Variants in ADGB observed in about 807,000 individuals in gnomAD.
ADGB encodes the protein calpain-7-like protein.
In ADGB, 172 loss-of-function variants were observed where a neutral mutation model predicts 210.5. That is an observed-to-expected ratio of 0.82 (90% CI 0.72 to 0.93). The LOEUF (loss-of-function observed/expected upper bound fraction) is 0.93. Among genes scored for constraint, ADGB ranks in the 40% least tolerant of loss-of-function variants. The pLI, the probability that ADGB is intolerant of heterozygous loss-of-function variation, is 0.00. For synonymous variants in ADGB, 658 were observed against 662.7 expected (o/e 0.99, Z 0.11); for missense variants, 2,025 against 1,964.8 (o/e 1.03, Z -0.58).
chr6:146,682,769 A>G (rs1174570771), intron 9 of ADGB, among the ~76,000 whole-genome samples: 4 of 152,194 alleles, frequency 2.6e-5, no homozygotes, highest in African/African-American at 9.6e-5. Flanking sequence ...AGATAATAGA[A>G]CAAATAGGAA....
intron 13 of ADGB, 140 bp downstream of exon 13, chr6:146,701,210 C>G (rs1583596467): frequency 2.1e-6 from 2 of 962,968 alleles, no homozygotes; most frequent in East Asian, 2.9e-5. Context: ...AAATAAATCT[C>G]TTATGTATCT....
At position 146,692,846 on chromosome 6, in the gene ADGB, A is replaced by T; in HGVS notation, c.1508A>T (p.Glu503Val). Residue 503 changes from glutamate to valine, a missense_variant, in exon 12 of 36, where the codon GAA becomes GTA. Transcript: ENST00000397944. ...TTAGAGTTAATAGTAAAGAAGCCTGAACGGTTCCTTGAGATTTCAAGTCCA... is the reference window on the plus strand; with the variant it reads ...TTAGAGTTAATAGTAAAGAAGCCTGTACGGTTCCTTGAGATTTCAAGTCCA... The part of the protein sequence containing the change: ...EAQELIVKKP[E>V]RFLEISSPFL... The T allele has an allele frequency of 2.0e-6, 3 of 1,538,200 alleles. No homozygotes were observed. Among genetic ancestry groups the T allele is most frequent in the Non-Finnish European group, 2.6e-6 (3 of 1,139,016 alleles).
At chr6:146,693,789 A>T (rs1776366011) in intron 12 of ADGB, among the ~76,000 whole-genome samples, 1 of 152,134 alleles carries the variant, frequency 6.6e-6, no homozygotes. Context: ...TCAATCCAAT[A>T]TTTAATTTCA....
intron 25 of ADGB, among the ~76,000 whole-genome samples, chr6:146,743,627 G>C (rs1044892161): frequency 1.3e-5 from 2 of 152,122 alleles, no homozygotes; most frequent in Admixed American, 6.6e-5. Flanking sequence ...TAGAAAAAAA[G>C]TTAAGGCCGG....
At chr6:146,730,508 G>A (rs570570255) in intron 20 of ADGB, among the ~76,000 whole-genome samples, 2 of 152,148 alleles carry the variant, frequency 1.3e-5, no homozygotes, top group African/African-American at 4.8e-5. Context: ...TGGTATAGGG[G>A]TGACCATCTG....
intron 8 of ADGB, among the ~76,000 whole-genome samples, chr6:146,672,961 C>T (rs1776032071): frequency 6.6e-6 from 1 of 152,022 alleles, no homozygotes; most frequent in African/African-American, 2.4e-5. Flanking sequence ...GAACTCCTGA[C>T]CTCAGGTGAT....
intron 35 of ADGB, chr6:146,803,623 A>T (rs1778164477): frequency 1.5e-6 from 2 of 1,350,194 alleles, no homozygotes; most frequent in Non-Finnish European, 2.1e-6. Context: ...GAAATTAGAG[A>T]TCTTTTTTTC....
intron 29 of ADGB, among the ~76,000 whole-genome samples, chr6:146,779,834 A>G (rs531437232): frequency 1.7e-4 from 25 of 145,580 alleles, no homozygotes; most frequent in Non-Finnish European, 3.2e-4. Context: ...CTTGCCCTAC[A>G]AAAGTACTAC....
At chr6:146,700,913 G>C in intron 12 of ADGB, 28 bp from the exon 13 acceptor site, 1 of 1,533,610 alleles carries the variant, frequency 6.5e-7, no homozygotes, top group South Asian at 1.2e-5. Flanking sequence ...CAAAATAACA[G>C]AAGTTTGGGG....
chr6:146,646,710 C>A (rs1337154272), intron 3 of ADGB, among the ~76,000 whole-genome samples: 1 of 152,084 alleles, frequency 6.6e-6, no homozygotes, highest in Non-Finnish European at 1.5e-5. Context: ...TAAGTTTCAG[C>A]AACAAATCAG....
chr6:146,788,336 A>G (rs1777907384), intron 32 of ADGB, 53 bp from the exon 33 acceptor site: 1 of 1,466,260 alleles, frequency 6.8e-7, no homozygotes, highest in South Asian at 1.2e-5. Flanking sequence ...TACTGTTTGC[A>G]TGTGATTTCA....
At chr6:146,605,626 G>A (rs1419747572) in intron 1 of ADGB, among the ~76,000 whole-genome samples, 1 of 152,078 alleles carries the variant, frequency 6.6e-6, no homozygotes, top group Non-Finnish European at 1.5e-5. Context: ...GAACCAGACA[G>A]AAACTAGGAC....
At chr6:146,744,944 A>G (rs1324711581) in intron 25 of ADGB, among the ~76,000 whole-genome samples, 1 of 152,196 alleles carries the variant, frequency 6.6e-6, no homozygotes, top group African/African-American at 2.4e-5. Context: ...AATAATAAAA[A>G]TATCAATACA....
chr6:146,773,481 T>C (rs1179183757), intron 29 of ADGB, among the ~76,000 whole-genome samples: 5 of 152,116 alleles, frequency 3.3e-5, no homozygotes, highest in African/African-American at 4.8e-5. Context: ...CAAGAAAAAC[T>C]CTGGAGAGAC....
At chr6:146,766,462 A>AATTAAATTAC (rs1777576279) in intron 28 of ADGB, among the ~76,000 whole-genome samples, 1 of 151,390 alleles carries the variant, frequency 6.6e-6, no homozygotes, top group Admixed American at 6.6e-5. Flanking sequence ...AATTAAATTA[A>AATTAAATTAC]ATTAAATTAA....
intron 28 of ADGB, among the ~76,000 whole-genome samples, chr6:146,766,603 C>T (rs1327676): frequency 0.58 from 87,235 of 151,682 alleles, 27,463 homozygotes; most frequent in African/African-American, 0.83. Context: ...AAAATTGAAA[C>T]GATAATTCAA....
chr6:146,699,797 T>G (rs1407774867), intron 12 of ADGB, among the ~76,000 whole-genome samples: 1 of 152,176 alleles, frequency 6.6e-6, no homozygotes, highest in Non-Finnish European at 1.5e-5. Flanking sequence ...CAAATTTTCT[T>G]ACAATTTGAA....
chr6:146,681,002 T>G (rs114770324), intron 9 of ADGB, among the ~76,000 whole-genome samples: 498 of 152,288 alleles, frequency 3.3e-3, no homozygotes, highest in African/African-American at 0.011. Context: ...GTGTTTGAAG[T>G]AAAAACAAGC....
intron 28 of ADGB, among the ~76,000 whole-genome samples, chr6:146,768,527 C>T (rs1188439159): frequency 6.6e-6 from 1 of 151,926 alleles, no homozygotes; most frequent in Non-Finnish European, 1.5e-5. Context: ...ATTACATCTC[C>T]ATGGAGAGAA....
Sources: allele counts gnomAD v4.1 joint callset (sites outside exome capture counted in the v4.1 genomes callset), GRCh38; gene constraint gnomAD v4.1.1; transcripts MANE v1.5; gene names NCBI Gene and HGNC (gene_info 2026-07-23, HGNC 2026-07-21).